The following RBFOX1 variants were observed in gnomAD, a reference collection of about 807,000 sequenced individuals.
RBFOX1 encodes the protein RNA binding protein fox-1 homolog 1.
Under a neutral mutation model 57.7 loss-of-function variants are expected in RBFOX1, and 8 were observed. That is an observed-to-expected ratio of 0.14 (90% confidence interval 0.08 to 0.25). The LOEUF is 0.25. RBFOX1 is among the 10% of genes least tolerant of loss of function. The pLI is 1.00. For missense variants in RBFOX1, 611 were observed against 548.5 expected (o/e 1.11, Z -1.14); for synonymous variants, 326 against 222.4 (o/e 1.47, Z -4.15).
chr16:5,625,019 C>G (rs1370945881), intron 3 of RBFOX1, among the ~76,000 whole-genome samples: 1 of 152,140 alleles, frequency 6.6e-6, no homozygotes, highest in African/African-American at 2.4e-5. Context: ...ACGAGAGATA[C>G]CAGCAGTCAC....
chr16:7,384,240 G>A (rs892627434), intron 4 of RBFOX1, among the ~76,000 whole-genome samples: 1 of 151,678 alleles, frequency 6.6e-6, no homozygotes, highest in African/African-American at 2.4e-5. Flanking sequence ...AATATGAAAA[G>A]CAAGGAGTAT....
chr16:7,640,947 C>T (rs555370869), intron 11 of RBFOX1, among the ~76,000 whole-genome samples: 2 of 149,018 alleles, frequency 1.3e-5, no homozygotes, highest in South Asian at 2.1e-4. Context: ...GAGCTCTGAG[C>T]AGGTAAGTTG....
chr16:5,333,507 G>T (rs1210005056), intron 1 of RBFOX1, among the ~76,000 whole-genome samples: 1 of 152,152 alleles, frequency 6.6e-6, no homozygotes, highest in Non-Finnish European at 1.5e-5. Context: ...TCCTCACACA[G>T]TTGGCCCCTT....
chr16:6,397,560 G>C (rs1174871206), intron 2 of RBFOX1, among the ~76,000 whole-genome samples: 1 of 152,206 alleles, frequency 6.6e-6, no homozygotes, highest in African/African-American at 2.4e-5. Flanking sequence ...TATCTTCAGA[G>C]TGAAAGGAAA....
intron 4 of RBFOX1, among the ~76,000 whole-genome samples, chr16:5,923,123 G>C (rs1170063044): frequency 2.0e-5 from 3 of 152,202 alleles, no homozygotes; most frequent in Non-Finnish European, 2.9e-5. Context: ...ACCAAATGAT[G>C]CATATGAGAG....
chr16:7,164,963 A>G (rs1542548), intron 4 of RBFOX1, among the ~76,000 whole-genome samples: 32,168 of 152,128 alleles, frequency 0.21, 4,100 homozygotes, highest in East Asian at 0.43. Context: ...GGCAGCGTGT[A>G]TCACAGTAAC....
At chr16:6,997,836 C>A (rs1381120872) in intron 3 of RBFOX1, among the ~76,000 whole-genome samples, 2 of 152,038 alleles carry the variant, frequency 1.3e-5, no homozygotes, top group Non-Finnish European at 2.9e-5. Context: ...AATTTGTCTT[C>A]TAGTAATAGC....
intron 3 of RBFOX1, among the ~76,000 whole-genome samples, chr16:5,694,456 C>G (rs1001754947): frequency 3.3e-5 from 5 of 152,152 alleles, no homozygotes; most frequent in African/African-American, 7.2e-5. Flanking sequence ...CTGAATGATA[C>G]CCACTTGGTC....
intron 1 of RBFOX1, among the ~76,000 whole-genome samples, chr16:5,436,286 T>C (rs572251330): frequency 4.6e-5 from 7 of 152,276 alleles, no homozygotes; most frequent in Admixed American, 2.0e-4. Context: ...AACCATTTGG[T>C]CATTTGGTGC....
intron 4 of RBFOX1, among the ~76,000 whole-genome samples, chr16:5,956,733 A>G (rs955941809): frequency 7.0e-6 from 1 of 143,300 alleles, no homozygotes; most frequent in Admixed American, 7.4e-5. Context: ...CACTGGCACA[A>G]TCATGGCTCA....
At chr16:7,333,009 C>A in intron 4 of RBFOX1, 2 of 1,613,664 alleles carry the variant, frequency 1.2e-6, no homozygotes, top group Non-Finnish European at 1.7e-6. Context: ...AGCATGCTGG[C>A]GTCTCAAGGA....
intron 3 of RBFOX1, among the ~76,000 whole-genome samples, chr16:6,670,464 A>G (rs1043027179): frequency 6.6e-6 from 1 of 152,196 alleles, no homozygotes; most frequent in African/African-American, 2.4e-5. Flanking sequence ...ATTTTGCCCC[A>G]TGACTGGAAT....
chr16:7,495,677 C>T (rs760940562), intron 4 of RBFOX1, among the ~76,000 whole-genome samples: 8 of 151,972 alleles, frequency 5.3e-5, no homozygotes, highest in Non-Finnish European at 8.8e-5. Context: ...AGAATTTATT[C>T]AAGTTTTAAT....
At chr16:6,726,293 T>C (rs1466611071) in intron 3 of RBFOX1, among the ~76,000 whole-genome samples, 1 of 152,178 alleles carries the variant, frequency 6.6e-6, no homozygotes, top group Non-Finnish European at 1.5e-5. Flanking sequence ...AACATTTCCA[T>C]TAGGTTTTAA....
chr16:6,988,812 C>T (rs1330041690), intron 3 of RBFOX1, among the ~76,000 whole-genome samples: 4 of 149,504 alleles, frequency 2.7e-5, no homozygotes, highest in Non-Finnish European at 5.9e-5. Flanking sequence ...TTGCTCATTG[C>T]CCAGGCTGGA....
At chr16:6,510,246 G>A (rs528002632) in intron 2 of RBFOX1, among the ~76,000 whole-genome samples, 2 of 152,210 alleles carry the variant, frequency 1.3e-5, no homozygotes, top group East Asian at 1.9e-4. Flanking sequence ...CAGCCACACC[G>A]GAACCATTAT....
At chr16:7,458,438 C>G (rs1222075652) in intron 4 of RBFOX1, among the ~76,000 whole-genome samples, 1 of 152,150 alleles carries the variant, frequency 6.6e-6, no homozygotes, top group South Asian at 2.1e-4. Flanking sequence ...ATAGCTCATG[C>G]TAAGCTTTCC....
At chr16:7,339,070 G>C (rs33997549) in intron 4 of RBFOX1, among the ~76,000 whole-genome samples, 6,476 of 152,280 alleles carry the variant, frequency 0.043, 164 homozygotes, top group South Asian at 0.076. Flanking sequence ...AGGTGGCAGA[G>C]AGAATTTGGA....
chr16:6,427,605 T>C (rs1567247653), intron 2 of RBFOX1, among the ~76,000 whole-genome samples: 1 of 152,220 alleles, frequency 6.6e-6, no homozygotes, highest in Non-Finnish European at 1.5e-5. Flanking sequence ...GTAAAAATGT[T>C]GAGGAGGACG....
Sources: allele counts gnomAD v4.1 joint callset (sites outside exome capture counted in the v4.1 genomes callset), GRCh38; gene constraint gnomAD v4.1.1; transcripts MANE v1.5; gene names NCBI Gene and HGNC (gene_info 2026-07-23, HGNC 2026-07-21).